CTBP2: variants seen among roughly 807,000 people sequenced by gnomAD.
The protein encoded by CTBP2 is C-terminal binding protein 2, also known as C-terminal-binding protein 2.
CTBP2 carries 30 observed loss-of-function variants against 80.3 expected under a neutral mutation model. The observed-to-expected ratio is 0.37, with a 90% CI of 0.28 to 0.51. The LOEUF (loss-of-function observed/expected upper bound fraction) is 0.51. Among genes scored for constraint, CTBP2 ranks in the 20% least tolerant of loss-of-function variants. The pLI, the probability that CTBP2 is intolerant of heterozygous loss-of-function variation, is 0.93. For synonymous variants in CTBP2, 594 were observed against 587.4 expected, an observed-to-expected ratio of 1.01 and a Z score of -0.16; for missense variants, 1,212 against 1,375.3, an observed-to-expected ratio of 0.88 and a Z score of 1.88.
intron 1 of CTBP2, among the ~76,000 whole-genome samples, chr10:125,127,590 C>T (rs1855487212): frequency 6.6e-6 from 1 of 152,262 alleles, no homozygotes; most frequent in African/African-American, 2.4e-5. Flanking sequence ...ATGGAATGGC[C>T]TCCTCTAAAC....
At chr10:125,044,093 G>T (rs1170043315) in intron 2 of CTBP2, among the ~76,000 whole-genome samples, 1 of 152,194 alleles carries the variant, frequency 6.6e-6, no homozygotes, top group Admixed American at 6.5e-5. Context: ...AGGAAGAAAA[G>T]ATTCCCTGCA....
chr10:125,067,622 C>T (rs1224754320), intron 2 of CTBP2, among the ~76,000 whole-genome samples: 1 of 152,150 alleles, frequency 6.6e-6, no homozygotes, highest in Non-Finnish European at 1.5e-5. Flanking sequence ...AAAACCCAGG[C>T]AAAGGATATA....
intron 4 of CTBP2, among the ~76,000 whole-genome samples, chr10:124,995,851 C>G (rs1226851940): frequency 1.3e-5 from 2 of 152,132 alleles, no homozygotes; most frequent in African/African-American, 4.8e-5. Context: ...CATGCAACTG[C>G]TGGGAGCTCA....
chr10:125,050,669 G>A (rs1430947439), intron 2 of CTBP2, among the ~76,000 whole-genome samples: 1 of 152,168 alleles, frequency 6.6e-6, no homozygotes, highest in East Asian at 1.9e-4. Context: ...GGTGTCGCTG[G>A]GGTTCAGCTG....
At chr10:125,122,356 C>T (rs1854476307) in intron 1 of CTBP2, among the ~76,000 whole-genome samples, 1 of 152,186 alleles carries the variant, frequency 6.6e-6, no homozygotes, top group Admixed American at 6.5e-5. Context: ...GGCAAGCGTG[C>T]TTTCTGAATG....
At chr10:125,023,613 C>T (rs1038896498) in intron 1 of CTBP2, among the ~76,000 whole-genome samples, 2 of 152,262 alleles carry the variant, frequency 1.3e-5, no homozygotes, top group East Asian at 1.9e-4. Flanking sequence ...TCTGTGTCAC[C>T]GGGGCTGGTG....
chr10:125,123,140 T>A (rs1854612219), intron 1 of CTBP2, among the ~76,000 whole-genome samples: 1 of 152,226 alleles, frequency 6.6e-6, no homozygotes, highest in South Asian at 2.1e-4. Context: ...GCTGGTCAGC[T>A]GTGTCTACCC....
intron 8 of CTBP2, among the ~76,000 whole-genome samples, chr10:124,990,895 T>C (rs1208813230): frequency 6.6e-6 from 1 of 152,226 alleles, no homozygotes; most frequent in Non-Finnish European, 1.5e-5. Context: ...GGCAGCCTCA[T>C]CTCAGACTTC....
At chr10:125,152,085 G>A (rs1006147607) in intron 1 of CTBP2, among the ~76,000 whole-genome samples, 2 of 152,162 alleles carry the variant, frequency 1.3e-5, no homozygotes, top group African/African-American at 4.8e-5. Context: ...GCCCTGCGGG[G>A]GGAAGAGGGC....
At chr10:125,014,232 C>T (rs1043014581) in intron 1 of CTBP2, among the ~76,000 whole-genome samples, 3 of 152,214 alleles carry the variant, frequency 2.0e-5, no homozygotes, top group Non-Finnish European at 4.4e-5. Context: ...GCCCAGCAGG[C>T]ATTCATGGCC....
chr10:125,025,214 G>T (rs930555240), intron 1 of CTBP2, among the ~76,000 whole-genome samples: 1 of 152,102 alleles, frequency 6.6e-6, no homozygotes, highest in Admixed American at 6.6e-5. Context: ...GGGGAGGAAA[G>T]AATTATGTTT....
intron 2 of CTBP2, among the ~76,000 whole-genome samples, chr10:125,091,855 T>C (rs1848812389): frequency 6.6e-6 from 1 of 152,140 alleles, no homozygotes; most frequent in African/African-American, 2.4e-5. Flanking sequence ...TCACCCAAAA[T>C]TCTACCAACT....
intron 1 of CTBP2, among the ~76,000 whole-genome samples, chr10:125,157,962 C>T (rs10794201): frequency 0.37 from 56,470 of 151,974 alleles, 11,706 homozygotes; most frequent in African/African-American, 0.56. Flanking sequence ...GAATATTTAG[C>T]GTTTCAACTC....
rs1240486258 is a variant in CTBP2 at position 124,987,447 on chromosome 10, T to TTTATG, written c.*2066_*2070dup. On this transcript the variant is annotated 3_prime_UTR_variant, in exon 9 of 9. Transcript: ENST00000309035. Reference sequence around the variant, plus strand: ...TGGACCATGGATTCAGACCTGCCTTTTTATGTTTTTGACTCTTAGGTTCAT... The same window carrying TTTATG: ...TGGACCATGGATTCAGACCTGCCTTTTTATGTTATGTTTTTGACTCTTAGGTTCAT... The TTTATG allele has an allele frequency of 2.6e-5, 4 of 152,110 alleles. No individual in the cohort carries two copies. The highest frequency in any genetic ancestry group is 7.2e-5 in the African/African-American group (3 of 41,412). 9.4% of individuals were successfully genotyped at this position (152,110 alleles called of 1,614,324 possible).
At position 124,987,319 on chromosome 10, in the gene CTBP2, A is replaced by G. The variant is rs1222764814; in HGVS notation, c.*2199T>C. On this transcript the variant is annotated 3_prime_UTR_variant, in exon 9 of 9. Coordinates refer to ENST00000309035, the MANE Select transcript of CTBP2 (RefSeq NM_022802.3). ...ATGGTTCTTTTTCTAGAGCAAACAG[A>G]GCGTGGCATTTTGTTTTGACTTGTT... 1 of 152,410 alleles carries G rather than the reference A, an allele frequency of 6.6e-6. No homozygotes were observed. The highest frequency in any genetic ancestry group is 2.4e-5 in the African/African-American group (1 of 41,374). The allele number at this position is 152,410 out of a possible 1,614,324, so 9.4% of individuals were successfully genotyped here. A position where few individuals can be genotyped will look rare whatever the true frequency, so the allele number is the denominator to read the frequency against.
At chr10:125,085,247 A>T (rs1015395404) in intron 2 of CTBP2, among the ~76,000 whole-genome samples, 5 of 152,266 alleles carry the variant, frequency 3.3e-5, no homozygotes, top group African/African-American at 1.2e-4. Flanking sequence ...AGCCGCCAAC[A>T]TTTTTACCAA....
In CTBP2 at chr10:124,993,976, C is replaced by T; in HGVS notation, c.2410G>A (p.Gly804Arg). The T allele has an allele frequency of 6.2e-7, 1 of 1,614,128 alleles. No homozygotes were observed. Among genetic ancestry groups the T allele is most frequent in the Non-Finnish European group, 8.5e-7 (1 of 1,180,012 alleles). ...CGGGCTGCGTTCACAAGGAATGCTC[C>T]CTGCCTCATCTGTGGAAGGAAAGAA... Residue 804 changes from glycine to arginine, a missense_variant, in exon 6 of 9, where the codon GGA becomes AGA. This residue lies in a region of CTBP2 where 335 missense variants were observed against 504.7 expected (regional missense o/e 0.66). Coordinates refer to ENST00000309035, the MANE Select transcript of CTBP2 (RefSeq NM_022802.3).
chr10:125,119,651 G>A (rs1046623767), intron 1 of CTBP2, among the ~76,000 whole-genome samples: 4 of 152,150 alleles, frequency 2.6e-5, no homozygotes, highest in Non-Finnish European at 4.4e-5. Context: ...TAGTATATAC[G>A]TATATGCATA....
intron 1 of CTBP2, among the ~76,000 whole-genome samples, chr10:125,010,401 C>G (rs1047137441): frequency 6.6e-6 from 1 of 152,100 alleles, no homozygotes; most frequent in Non-Finnish European, 1.5e-5. Context: ...ATTTTACAGT[C>G]TCAGTAATGT....
Sources: allele counts gnomAD v4.1 joint callset (sites outside exome capture counted in the v4.1 genomes callset), GRCh38; gene constraint gnomAD v4.1.1; regional missense constraint gnomAD v4.1.1; transcripts MANE v1.5; gene names NCBI Gene and HGNC (gene_info 2026-07-23, HGNC 2026-07-21).